TLN2: variants seen among roughly 807,000 people sequenced by gnomAD.
TLN2 encodes the protein talin-2.
A neutral mutation model predicts 294.7 loss-of-function variants in TLN2; 118 were observed. That is an observed-to-expected ratio of 0.40 (90% confidence interval 0.34 to 0.47). The LOEUF (loss-of-function observed/expected upper bound fraction) is 0.47, where lower values mean the gene tolerates loss of function less well. Among genes scored for constraint, TLN2 ranks in the 20% least tolerant of loss-of-function variants. The pLI is 0.84. For missense variants in TLN2, 3,083 were observed against 3,282.2 expected (o/e 0.94, Z 1.48); for synonymous variants, 1,431 against 1,304.5 (o/e 1.10, Z -2.09).
Position 62,755,640 on chromosome 15 carries a change from C to T in TLN2, c.4585C>T (p.Gln1529Ter), listed in dbSNP as rs1422337940. The T allele has an allele frequency of 6.2e-7, 1 of 1,614,136 alleles. No homozygotes were observed. Among genetic ancestry groups the T allele is most frequent in the Non-Finnish European group, 8.5e-7 (1 of 1,180,056 alleles). Residue 1529 changes from glutamine (Q) to a stop codon, truncating the protein, a stop_gained, in exon 37 of 59, where the codon CAG becomes TAG. Coordinates refer to ENST00000636159, the MANE Select transcript of TLN2 (RefSeq NM_015059.3). LOFTEE classifies it high-confidence loss of function. Reference protein sequence around the residue: ...ANPVAKRHFVQSAKEVANSTA... With the variant: ...ANPVAKRHFV ...CCCAGTAGCCAAGAGGCACTTCGTC[C>T]AGTCAGCCAAGGAAGTCGCCAACAG...
chr15:62,740,887 C>A, intron 32 of TLN2, 118 bp downstream of exon 32: 3 of 1,334,818 alleles, frequency 2.2e-6, no homozygotes, highest in South Asian at 1.4e-5. Context: ...GTCCTTAGGT[C>A]ATGGGAGGTG....
rs2058168431 is a variant in TLN2, at chr15:62,694,342, A to C, written c.1242A>C (p.Leu414=). ...KKKQSKDRFG[L]EGDEESTMLE... ...AACAAAGTAAAGATCGATTTGGACT[A>C]GAAGGTGATGAGGAGTCAACCATGT... Residue 414 remains leucine (L), a synonymous_variant, in exon 14 of 59, where the codon CTA becomes CTC. Transcript: ENST00000636159. 32 of 1,614,162 alleles carry C rather than the reference A, an allele frequency of 2.0e-5. No homozygotes were observed. The highest frequency in any genetic ancestry group is 2.7e-5 in the Non-Finnish European group (32 of 1,180,010).
intron 11 of TLN2, among the ~76,000 whole-genome samples, chr15:62,684,341 C>G (rs533676580): frequency 2.6e-5 from 4 of 152,292 alleles, no homozygotes; most frequent in African/African-American, 9.6e-5. Context: ...CCCTGTGTGA[C>G]TAAATTAGCT....
intron 1 of TLN2, among the ~76,000 whole-genome samples, chr15:62,477,119 C>A (rs1320135573): frequency 1.3e-5 from 2 of 152,154 alleles, no homozygotes; most frequent in Non-Finnish European, 2.9e-5. Context: ...TGAAGAAAGA[C>A]GAGATCAAGT....
At chr15:62,553,722 G>A (rs747153182) in intron 1 of TLN2, among the ~76,000 whole-genome samples, 19 of 152,136 alleles carry the variant, frequency 1.2e-4, no homozygotes, top group African/African-American at 2.2e-4. Context: ...ATTTAATATA[G>A]AAGGGACTGA....
intron 41 of TLN2, among the ~76,000 whole-genome samples, chr15:62,768,365 G>A (rs369756922): frequency 3.7e-4 from 56 of 152,238 alleles, no homozygotes; most frequent in East Asian, 1.3e-3. Flanking sequence ...TGACTGTCGC[G>A]CTGATCCCTG....
At chr15:62,565,989 A>G (rs1157823866) in intron 1 of TLN2, among the ~76,000 whole-genome samples, 1 of 151,524 alleles carries the variant, frequency 6.6e-6, no homozygotes. Context: ...GAGGATCATG[A>G]TACGTCTTAG....
At chr15:62,753,128 A>T (rs193218978) in intron 35 of TLN2, among the ~76,000 whole-genome samples, 2 of 152,212 alleles carry the variant, frequency 1.3e-5, no homozygotes, top group East Asian at 3.9e-4. Flanking sequence ...TGGCTGACAC[A>T]TCTAAATGGA....
At chr15:62,826,441 T>G (rs781411635) in intron 54 of TLN2, among the ~76,000 whole-genome samples, 4 of 152,146 alleles carry the variant, frequency 2.6e-5, no homozygotes, top group Non-Finnish European at 4.4e-5. Flanking sequence ...CTGCCACCCA[T>G]TTTGCCTGTT....
At chr15:62,420,646 A>G (rs2034337215) in intron 1 of TLN2, among the ~76,000 whole-genome samples, 1 of 152,232 alleles carries the variant, frequency 6.6e-6, no homozygotes, top group Non-Finnish European at 1.5e-5. Flanking sequence ...TTAAATATTA[A>G]AAGCCAGTGA....
intron 1 of TLN2, among the ~76,000 whole-genome samples, chr15:62,546,907 C>T (rs1375426187): frequency 6.6e-6 from 1 of 152,150 alleles, no homozygotes; most frequent in African/African-American, 2.4e-5. Flanking sequence ...GTTGCCAAGC[C>T]CTTGGTCCGT....
At chr15:62,694,595 G>T (rs1327232617) in intron 14 of TLN2, among the ~76,000 whole-genome samples, 1 of 152,216 alleles carries the variant, frequency 6.6e-6, no homozygotes, top group Admixed American at 6.5e-5. Context: ...GAGGATTTTA[G>T]GGAAACATTG....
intron 1 of TLN2, among the ~76,000 whole-genome samples, chr15:62,508,302 C>T (rs1398510332): frequency 2.6e-5 from 4 of 152,096 alleles, no homozygotes; most frequent in African/African-American, 4.8e-5. Flanking sequence ...CTGCAACCTT[C>T]GCCTCCCGGG....
At chr15:62,685,868 A>C (rs1268380149) in intron 11 of TLN2, among the ~76,000 whole-genome samples, 1 of 152,196 alleles carries the variant, frequency 6.6e-6, no homozygotes, top group Non-Finnish European at 1.5e-5. Flanking sequence ...GTCTATCAAA[A>C]GTATGTATAT....
intron 9 of TLN2, among the ~76,000 whole-genome samples, chr15:62,666,996 C>G (rs760461273): frequency 6.6e-6 from 1 of 152,152 alleles, no homozygotes; most frequent in Non-Finnish European, 1.5e-5. Flanking sequence ...GATGGAGTCT[C>G]GCTCTGTCGC....
intron 2 of TLN2, among the ~76,000 whole-genome samples, chr15:62,616,778 C>T (rs2048349074): frequency 6.6e-6 from 1 of 152,172 alleles, no homozygotes; most frequent in African/African-American, 2.4e-5. Context: ...TTATATTCAA[C>T]CTTTACTTTA....
intron 1 of TLN2, among the ~76,000 whole-genome samples, chr15:62,564,420 A>G (rs1171870503): frequency 1.3e-5 from 2 of 152,206 alleles, no homozygotes; most frequent in Non-Finnish European, 2.9e-5. Context: ...CATTGGTGGC[A>G]AGACTCATTT....
At chr15:62,737,471 C>T (rs143096065) in intron 29 of TLN2, among the ~76,000 whole-genome samples, 119 of 152,280 alleles carry the variant, frequency 7.8e-4, no homozygotes, top group African/African-American at 2.8e-3. Context: ...TCAACCCTGG[C>T]GCTCTATTAC....
intron 1 of TLN2, among the ~76,000 whole-genome samples, chr15:62,445,870 C>G (rs1041990890): frequency 6.6e-6 from 1 of 152,080 alleles, no homozygotes; most frequent in African/African-American, 2.4e-5. Flanking sequence ...CACTGTGTTG[C>G]CTAGGCTGAT....
Sources: gnomAD v4.1 joint callset for allele counts (sites outside exome capture counted in the v4.1 genomes callset) on GRCh38, gnomAD v4.1.1 for gene constraint, MANE v1.5 for transcripts, NCBI Gene and HGNC (gene_info 2026-07-23, HGNC 2026-07-21) for gene names.